The following CREB5 variants were observed in gnomAD, a reference collection of about 807,000 sequenced individuals.
CREB5 encodes cAMP responsive element binding protein 5.
A neutral mutation model predicts 57.1 loss-of-function variants in CREB5; 19 were observed. The observed-to-expected ratio is 0.33, with a 90% CI of 0.23 to 0.49. CREB5 has a LOEUF of 0.49. Among genes scored for constraint, CREB5 ranks in the 20% least tolerant of loss-of-function variants. CREB5 has a pLI of 0.99. For synonymous variants in CREB5, 238 were observed against 238.3 expected (o/e 1.00, Z 0.01); for missense variants, 579 against 671.6 (o/e 0.86, Z 1.52).
At chr7:28,529,756 C>T (rs543489386) in intron 4 of CREB5, among the ~76,000 whole-genome samples, 24 of 152,304 alleles carry the variant, frequency 1.6e-4, no homozygotes, top group African/African-American at 5.8e-4. Flanking sequence ...TGCACAGAGA[C>T]AGCTGGAAGA....
intron 4 of CREB5, among the ~76,000 whole-genome samples, chr7:28,554,659 C>T (rs1794789209): frequency 1.3e-5 from 2 of 152,224 alleles, no homozygotes; most frequent in South Asian, 4.1e-4. Flanking sequence ...TGGTTACAGA[C>T]ACTGTGCCTG....
At chr7:28,425,021 G>C (rs1788441150) in intron 1 of CREB5, among the ~76,000 whole-genome samples, 2 of 152,162 alleles carry the variant, frequency 1.3e-5, no homozygotes, top group African/African-American at 4.8e-5. Context: ...ATGGGTACAT[G>C]TGTGGGTTTG....
At chr7:28,730,029 C>T (rs998604330) in intron 7 of CREB5, among the ~76,000 whole-genome samples, 3 of 152,206 alleles carry the variant, frequency 2.0e-5, no homozygotes, top group South Asian at 2.1e-4. Flanking sequence ...TGCTGTGTCT[C>T]ACCTTAAAAG....
intron 1 of CREB5, among the ~76,000 whole-genome samples, chr7:28,440,585 G>C (rs921614212): frequency 3.3e-5 from 5 of 152,134 alleles, no homozygotes; most frequent in Admixed American, 1.3e-4. Context: ...TGGTTTACTA[G>C]CTTTAGGACT....
chr7:28,781,233 G>C (rs55634557), intron 7 of CREB5, among the ~76,000 whole-genome samples: 4,648 of 152,222 alleles, frequency 0.031, 113 homozygotes, highest in Non-Finnish European at 0.052. Context: ...ATTCAACAAA[G>C]CAGATGGTAT....
At chr7:28,314,385 A>G (rs1785337628) in intron 1 of CREB5, among the ~76,000 whole-genome samples, 1 of 152,224 alleles carries the variant, frequency 6.6e-6, no homozygotes, top group South Asian at 2.1e-4. Flanking sequence ...TTTATCATCC[A>G]TCTTCATCAC....
At chr7:28,758,065 G>A (rs983052165) in intron 7 of CREB5, among the ~76,000 whole-genome samples, 4 of 152,192 alleles carry the variant, frequency 2.6e-5, no homozygotes, top group Non-Finnish European at 5.9e-5. Flanking sequence ...GCAGAACACA[G>A]TAAGAGTGGT....
At chr7:28,772,221 T>C (rs1583708490) in intron 7 of CREB5, among the ~76,000 whole-genome samples, 1 of 152,150 alleles carries the variant, frequency 6.6e-6, no homozygotes, top group African/African-American at 2.4e-5. Context: ...GGCTAGACAC[T>C]TGGGACCTGT....
intron 5 of CREB5, among the ~76,000 whole-genome samples, chr7:28,659,800 A>G (rs1261218163): frequency 1.3e-5 from 2 of 152,180 alleles, no homozygotes; most frequent in Non-Finnish European, 2.9e-5. Flanking sequence ...ACCTCCTCTC[A>G]TAACCTCCTC....
At chr7:28,715,106 G>A (rs564213659) in intron 5 of CREB5, among the ~76,000 whole-genome samples, 5 of 152,330 alleles carry the variant, frequency 3.3e-5, no homozygotes, top group East Asian at 1.9e-4. Flanking sequence ...GAATTCTCAC[G>A]TTAGCAGTAT....
rs192620503 is a variant in CREB5, at chr7:28,655,235, G to A, written c.465-63518G>A. On this transcript the variant is annotated intron_variant, in intron 5 of 10. Transcript: ENST00000357727. ...GTTTCTGGTGTTTATTTCTTAGCTC[G>A]AATGGTGGCATGTAGGTGTTTGTTG... Among the ~76,000 whole-genome samples the A allele has an allele frequency of 6.8e-4, 103 of 152,210 alleles. 1 individual carries two copies. In the South Asian group the frequency reaches 0.016, roughly 24 times the overall value.
At chr7:28,416,548 G>T (rs1012309806) in intron 1 of CREB5, among the ~76,000 whole-genome samples, 1 of 152,172 alleles carries the variant, frequency 6.6e-6, no homozygotes, top group Admixed American at 6.5e-5. Flanking sequence ...TTCCACCAGG[G>T]TATCTAGCTA....
intron 5 of CREB5, among the ~76,000 whole-genome samples, chr7:28,631,695 T>G (rs1000269762): frequency 6.6e-6 from 1 of 152,146 alleles, no homozygotes; most frequent in Non-Finnish European, 1.5e-5. Flanking sequence ...CTCTCATAAT[T>G]CTGCCTTGTT....
At chr7:28,493,649 T>G (rs1193127684) in intron 2 of CREB5, among the ~76,000 whole-genome samples, 1 of 152,164 alleles carries the variant, frequency 6.6e-6, no homozygotes, top group Non-Finnish European at 1.5e-5. Context: ...ACATGTCACT[T>G]TCATTCATTA....
At chr7:28,306,318 G>C (rs1368586339) in intron 1 of CREB5, among the ~76,000 whole-genome samples, 1 of 152,118 alleles carries the variant, frequency 6.6e-6, no homozygotes, top group Non-Finnish European at 1.5e-5. Context: ...GGCTTAGAAG[G>C]GATAATAGCT....
At chr7:28,760,615 A>C (rs1298946995) in intron 7 of CREB5, among the ~76,000 whole-genome samples, 1 of 151,954 alleles carries the variant, frequency 6.6e-6, no homozygotes, top group Non-Finnish European at 1.5e-5. Flanking sequence ...ACACACAAAA[A>C]CCTATTTATG....
intron 7 of CREB5, among the ~76,000 whole-genome samples, chr7:28,734,287 G>GGT (rs140906153): frequency 0.13 from 19,456 of 149,680 alleles, 1,939 homozygotes; most frequent in African/African-American, 0.27. Flanking sequence ...CAAACACATA[G>GGT]GTATAAACTA....
chr7:28,438,366 G>T (rs1051112567), intron 1 of CREB5, among the ~76,000 whole-genome samples: 2 of 152,124 alleles, frequency 1.3e-5, no homozygotes, highest in Non-Finnish European at 1.5e-5. Context: ...GCTGTCAAAG[G>T]GGGGTGTCGG....
At chr7:28,470,627 T>C (rs572791167) in intron 1 of CREB5, among the ~76,000 whole-genome samples, 1 of 152,292 alleles carries the variant, frequency 6.6e-6, no homozygotes, top group East Asian at 1.9e-4. Context: ...GTAGCTCTAT[T>C]TTTTAGCTTT....
Sources: allele counts gnomAD v4.1 joint callset (sites outside exome capture counted in the v4.1 genomes callset), GRCh38; gene constraint gnomAD v4.1.1; transcripts MANE v1.5; gene names NCBI Gene and HGNC (gene_info 2026-07-23, HGNC 2026-07-21).